The following MMS22L variants were observed in gnomAD, a reference collection of about 807,000 sequenced individuals.
MMS22L encodes the protein protein MMS22-like.
In MMS22L, 74 loss-of-function variants were observed where a neutral mutation model predicts 159.1. The observed-to-expected ratio is 0.47, with a 90% CI of 0.39 to 0.56. MMS22L has a LOEUF of 0.56. Among genes scored for constraint, MMS22L ranks in the 20% least tolerant of loss-of-function variants. MMS22L has a pLI of 0.00. For synonymous variants in MMS22L, 517 were observed against 506.9 expected (o/e 1.02, Z -0.27); for missense variants, 1,351 against 1,422.1 (o/e 0.95, Z 0.80).
Position 97,278,918 on chromosome 6 carries a change from G to A in MMS22L, c.291-20C>T. ...TGTTGCCTAATTTTAAAAATGTAAG[G>A]TGAGAGTTAATTTTAGAACACTTTA... is the stretch of plus-strand genomic sequence containing the variant. On this transcript the variant is annotated intron_variant, in intron 3 of 24. Transcript: ENST00000683635. 1 of 1,607,288 alleles carries A rather than the reference G, an allele frequency of 6.2e-7. No individual in the cohort carries two copies.
At chr6:97,147,425 G>A (rs778605585) in intron 24 of MMS22L, among the ~76,000 whole-genome samples, 1 of 152,012 alleles carries the variant, frequency 6.6e-6, no homozygotes, top group East Asian at 1.9e-4. Context: ...ATGATTTATT[G>A]TGCCTAGTAG....
intron 11 of MMS22L, among the ~76,000 whole-genome samples, chr6:97,240,881 C>T (rs1224028917): frequency 1.3e-5 from 2 of 152,270 alleles, no homozygotes; most frequent in East Asian, 3.9e-4. Context: ...CCTGCCTTGG[C>T]CTCCCAAAGT....
At chr6:97,192,256 C>G (rs187214079) in intron 14 of MMS22L, among the ~76,000 whole-genome samples, 2 of 152,090 alleles carry the variant, frequency 1.3e-5, no homozygotes, top group Admixed American at 6.6e-5. Context: ...AGTTTATTGA[C>G]TGTTTTGATG....
chr6:97,148,509 C>T (rs957818442), intron 24 of MMS22L, among the ~76,000 whole-genome samples: 1 of 151,938 alleles, frequency 6.6e-6, no homozygotes, highest in Non-Finnish European at 1.5e-5. Context: ...GTTGATCATC[C>T]TGACCCTGTG....
intron 14 of MMS22L, among the ~76,000 whole-genome samples, chr6:97,189,165 C>A (rs1805581034): frequency 6.6e-6 from 1 of 151,296 alleles, no homozygotes; most frequent in Admixed American, 6.6e-5. Flanking sequence ...CAAATGTGAA[C>A]CACCTTTGAC....
At chr6:97,163,662 G>T (rs1802672420) in intron 21 of MMS22L, among the ~76,000 whole-genome samples, 1 of 152,010 alleles carries the variant, frequency 6.6e-6, no homozygotes, top group Admixed American at 6.6e-5. Flanking sequence ...TGGAAATTCA[G>T]ATACAAGTAA....
At chr6:97,156,465 T>G (rs1801857789) in intron 22 of MMS22L, among the ~76,000 whole-genome samples, 3 of 152,236 alleles carry the variant, frequency 2.0e-5, no homozygotes, top group Admixed American at 2.0e-4. Flanking sequence ...TACGTTTAAG[T>G]CTTTAATCCA....
intron 3 of MMS22L, among the ~76,000 whole-genome samples, chr6:97,279,408 C>T (rs182291869): frequency 1.6e-3 from 236 of 152,056 alleles, no homozygotes; most frequent in Non-Finnish European, 2.5e-3. Flanking sequence ...GGTGTGAACC[C>T]AGGAGCTGGA....
rs1814697485 is a variant in MMS22L, at chr6:97,263,315, A to C, written c.942+20T>G. Reference sequence around the variant, plus strand: ...ATAAAGGTTAGTAACAATAACCAACACATCAATTTTCCAACTTACTTCCGA... The same window carrying C: ...ATAAAGGTTAGTAACAATAACCAACCCATCAATTTTCCAACTTACTTCCGA... On this transcript the variant is annotated intron_variant, in intron 9 of 24. Coordinates refer to ENST00000683635, the MANE Select transcript of MMS22L (RefSeq NM_001350599.2). The C allele has an allele frequency of 1.4e-6, 2 of 1,404,056 alleles. No individual in the cohort carries two copies. The allele number at this position is 1,404,056 out of a possible 1,614,324, so 87.0% of individuals were successfully genotyped here.
At chr6:97,215,641 A>G (rs1372041116) in intron 14 of MMS22L, among the ~76,000 whole-genome samples, 1 of 152,164 alleles carries the variant, frequency 6.6e-6, no homozygotes, top group African/African-American at 2.4e-5. Context: ...CACAGACTTA[A>G]GCCTGACCCT....
At chr6:97,162,979 T>A (rs1036809294) in intron 21 of MMS22L, among the ~76,000 whole-genome samples, 2 of 151,592 alleles carry the variant, frequency 1.3e-5, no homozygotes, top group African/African-American at 4.9e-5. Flanking sequence ...AAAGTAATAA[T>A]AACCATAAGG....
Position 97,168,111 on chromosome 6 carries a change from A to G in MMS22L, c.2969T>C (p.Met990Thr), listed in dbSNP as rs754908073. The change falls in exon 20 of 25, where the codon ATG (methionine) becomes ACG (threonine). Residue 990 changes from methionine (M) to threonine (T), a missense_variant. By Grantham distance (81) the Met-to-Thr change is moderately conservative. Transcript: ENST00000683635. ...AAGACTTTTCTGAATTGCTGACAACATAGGTGCAGGCAGTTCCTTCTCTTG... is the reference window on the plus strand; with the variant it reads ...AAGACTTTTCTGAATTGCTGACAACGTAGGTGCAGGCAGTTCCTTCTCTTG... ...LQQEKELPAP[M>T]LSAIQKSLPL... 1 of 1,612,898 alleles carries G rather than the reference A, an allele frequency of 6.2e-7. No homozygotes were observed. Among genetic ancestry groups the G allele is most frequent in the South Asian group, 1.1e-5 (1 of 90,966 alleles).
At chr6:97,235,452 A>G (rs1811295848) in intron 11 of MMS22L, among the ~76,000 whole-genome samples, 1 of 152,192 alleles carries the variant, frequency 6.6e-6, no homozygotes, top group Non-Finnish European at 1.5e-5. Context: ...CATAACTGAG[A>G]GCCATTTGAT....
rs1040184304 is a variant in MMS22L at position 97,217,712 on chromosome 6, C to G, written c.2039+11182G>C. Among the ~76,000 whole-genome samples the G allele has an allele frequency of 2.6e-5, 4 of 152,198 alleles. 1 individual carries two copies. Among genetic ancestry groups the G allele is most frequent in the Admixed American group, 2.6e-4 (4 of 15,282 alleles). On this transcript the variant is annotated intron_variant, in intron 14 of 24. Transcript: ENST00000683635. ...CCAGAAGACTAACAAGGGTGAGGAA[C>G]GTTTGTGAAAGCTTTGATATCTTTT...
At chr6:97,174,490 A>G (rs1803921113) in intron 18 of MMS22L, among the ~76,000 whole-genome samples, 1 of 152,098 alleles carries the variant, frequency 6.6e-6, no homozygotes, top group South Asian at 2.1e-4. Flanking sequence ...CAAAAGAAAA[A>G]AGATTCAAGA....
intron 11 of MMS22L, among the ~76,000 whole-genome samples, chr6:97,241,541 CTGAT>C (rs1812073227): frequency 6.6e-6 from 1 of 152,040 alleles, no homozygotes; most frequent in Admixed American, 6.5e-5. Flanking sequence ...TTGCATTTCC[CTGAT>C]CATTAGTGAT....
At chr6:97,238,919 C>CA (rs367852378) in intron 11 of MMS22L, among the ~76,000 whole-genome samples, 13,232 of 29,120 alleles carry the variant, frequency 0.45, 4,350 homozygotes, top group Non-Finnish European at 0.64. Flanking sequence ...GACTCCATCT[C>CA]AAAAAAAAAA....
chr6:97,220,251 G>T (rs1460582282), intron 14 of MMS22L, among the ~76,000 whole-genome samples: 1 of 152,122 alleles, frequency 6.6e-6, no homozygotes, highest in African/African-American at 2.4e-5. Flanking sequence ...CTGACTAAAG[G>T]AGAATCACAA....
chr6:97,272,658 G>A (rs1562528627), intron 6 of MMS22L, 46 bp downstream of exon 6: 1 of 1,507,836 alleles, frequency 6.6e-7, no homozygotes, highest in Non-Finnish European at 9.1e-7. Flanking sequence ...ACTCCTTGTG[G>A]GGAGAAAAAG....
Sources: allele counts gnomAD v4.1 joint callset (sites outside exome capture counted in the v4.1 genomes callset), GRCh38; gene constraint gnomAD v4.1.1; transcripts MANE v1.5; gene names NCBI Gene and HGNC (gene_info 2026-07-23, HGNC 2026-07-21).